RTN3: variants seen among roughly 807,000 people sequenced by gnomAD.
RTN3 encodes reticulon 3, also known as reticulon-3.
A neutral mutation model predicts 77.8 loss-of-function variants in RTN3; 49 were observed. The observed-to-expected ratio is 0.63, with a 90% CI of 0.50 to 0.80. The LOEUF is 0.80. Among genes scored for constraint, RTN3 ranks in the 30% least tolerant of loss-of-function variants. The pLI, the probability that RTN3 is intolerant of heterozygous loss-of-function variation, is 0.00. For missense variants in RTN3, 1,236 were observed against 1,211.9 expected, an observed-to-expected ratio of 1.02 and a Z score of -0.29; for synonymous variants, 464 against 446.9, an observed-to-expected ratio of 1.04 and a Z score of -0.48.
rs1590892069 is a variant in RTN3, at chr11:63,752,540, A to G, written c.2772A>G (p.Ser924=). The change falls in exon 5 of 9, where the codon TCA becomes TCG. Residue 924 remains serine (S), a synonymous_variant. Coordinates refer to ENST00000377819, the MANE Select transcript of RTN3 (RefSeq NM_001265589.2). The part of the protein sequence containing the change: ...AYLDVDITLS[S]EAFHNYMNAA... ...TGGACGTAGACATTACTCTGTCCTC[A>G]GAAGCTTTCCATAATTACATGAATG... The G allele has an allele frequency of 6.2e-7, 1 of 1,613,606 alleles. No homozygotes were observed. The highest frequency in any genetic ancestry group is 1.1e-5 in the South Asian group (1 of 91,072).
rs2014536378 is a variant in RTN3, at chr11:63,759,118, C to T, written c.*917C>T. On this transcript the variant is annotated 3_prime_UTR_variant, in exon 9 of 9. Transcript: ENST00000377819. Reference sequence around the variant, plus strand: ...GAAAAAAATAACCTGCATGTGGGCTCCTCAGTTATTGAGTTTTTGTGATCC... The same window carrying T: ...GAAAAAAATAACCTGCATGTGGGCTTCTCAGTTATTGAGTTTTTGTGATCC... 1 of 152,158 alleles carries T rather than the reference C, an allele frequency of 6.6e-6. No homozygotes were observed. Among genetic ancestry groups the T allele is most frequent in the African/African-American group, 2.4e-5 (1 of 41,434 alleles). 9.4% of individuals were successfully genotyped at this position (152,158 alleles called of 1,614,324 possible).
At position 63,720,246 on chromosome 11, in the gene RTN3, T is replaced by C. The variant is rs758561798; in HGVS notation, c.1744T>C (p.Cys582Arg). ...AAGGAGTCCAGCTAGTGAGGCAGCA[T>C]GTTCAAAAGTACCCGATACGAATGT... is the stretch of plus-strand genomic sequence containing the variant. The part of the protein sequence containing the change: ...LGRSPASEAA[C>R]SKVPDTNVSL... The change falls in exon 3 of 9, where the codon TGT becomes CGT. Residue 582 changes from cysteine to arginine, a missense_variant. Transcript: ENST00000377819. 2.5e-6 allele frequency: 4 copies of C among 1,614,006 alleles called. No homozygotes were observed. The South Asian group carries it at 4.4e-5, about 18-fold the overall frequency.
rs879915605 is a variant in RTN3 at position 63,694,179 on chromosome 11, G to GT, written c.143-10660dup. Among the ~76,000 whole-genome samples the GT allele has an allele frequency of 4.3e-3, 619 of 145,394 alleles. 2 individuals carry two copies. Among genetic ancestry groups the GT allele is most frequent in the African/African-American group, 8.2e-3 (330 of 40,196 alleles). On this transcript the variant is annotated intron_variant, in intron 1 of 8. Transcript: ENST00000377819. ...GTAACCAGTTTATTAATTAATTATG[G>GT]TTTTTTTTTTTTCTGAAATGGAATT...
At chr11:63,704,209 G>A (rs980042026) in intron 1 of RTN3, among the ~76,000 whole-genome samples, 15 of 151,698 alleles carry the variant, frequency 9.9e-5, no homozygotes, top group African/African-American at 3.6e-4. Context: ...CACCATGTTG[G>A]CCAGGCTGGT....
At chr11:63,757,175 T>TA (rs1465009382) in intron 8 of RTN3, among the ~76,000 whole-genome samples, 1 of 152,254 alleles carries the variant, frequency 6.6e-6, no homozygotes, top group African/African-American at 2.4e-5. Flanking sequence ...AAAGTTGTCT[T>TA]TTCTAAGATT....
At chr11:63,686,470 CAAAAAA>C (rs11364347) in intron 1 of RTN3, among the ~76,000 whole-genome samples, 20 of 92,552 alleles carry the variant, frequency 2.2e-4, no homozygotes, top group Non-Finnish European at 2.7e-4. Context: ...GACTCCGTCT[CAAAAAA>C]AAAAAAAAAA....
intron 2 of RTN3, among the ~76,000 whole-genome samples, chr11:63,710,141 A>G (rs997356522): frequency 1.3e-5 from 2 of 152,224 alleles, no homozygotes; most frequent in Admixed American, 6.5e-5. Context: ...CAGAATAAAC[A>G]GTATATGAAG....
At chr11:63,740,275 C>G (rs1240660737) in intron 3 of RTN3, among the ~76,000 whole-genome samples, 1 of 151,554 alleles carries the variant, frequency 6.6e-6, no homozygotes, top group Non-Finnish European at 1.5e-5. Flanking sequence ...TCTAACCTCC[C>G]CATCTTAGTT....
chr11:63,690,402 G>A (rs1941593275), intron 1 of RTN3, among the ~76,000 whole-genome samples: 1 of 152,128 alleles, frequency 6.6e-6, no homozygotes, highest in African/African-American at 2.4e-5. Context: ...AAGGCTCTTT[G>A]CCAGGTGCTG....
chr11:63,726,979 C>G (rs914467266), intron 3 of RTN3, among the ~76,000 whole-genome samples: 1 of 151,860 alleles, frequency 6.6e-6, no homozygotes, highest in Non-Finnish European at 1.5e-5. Context: ...CACTTGAGCC[C>G]AAGAGTTCAA....
At chr11:63,684,944 G>A (rs1045062867) in intron 1 of RTN3, among the ~76,000 whole-genome samples, 1 of 151,094 alleles carries the variant, frequency 6.6e-6, no homozygotes, top group Admixed American at 6.6e-5. Context: ...ACTTTTACTA[G>A]ATATGGGGTT....
chr11:63,724,484 CTT>C (rs34237318), intron 3 of RTN3, among the ~76,000 whole-genome samples: 23 of 81,792 alleles, frequency 2.8e-4, no homozygotes, highest in African/African-American at 3.2e-4. Flanking sequence ...GTGCCCGGCC[CTT>C]TTTTTTTTTT....
chr11:63,692,971 A>G (rs1941744249), intron 1 of RTN3, among the ~76,000 whole-genome samples: 1 of 152,174 alleles, frequency 6.6e-6, no homozygotes, highest in South Asian at 2.1e-4. Flanking sequence ...GGGTCTCACC[A>G]TATTGCCCAT....
At chr11:63,697,665 A>G (rs976308781) in intron 1 of RTN3, among the ~76,000 whole-genome samples, 3 of 151,724 alleles carry the variant, frequency 2.0e-5, no homozygotes, top group Non-Finnish European at 2.9e-5. Flanking sequence ...TAGTAGAGAC[A>G]GGGTTTCACT....
intron 3 of RTN3, among the ~76,000 whole-genome samples, chr11:63,734,411 C>T (rs896722730): frequency 1.3e-4 from 19 of 151,798 alleles, no homozygotes; most frequent in Admixed American, 5.9e-4. Context: ...CACACCACTG[C>T]ACTCCAGCAT....
intron 1 of RTN3, among the ~76,000 whole-genome samples, chr11:63,683,441 G>A (rs1241955025): frequency 6.6e-6 from 1 of 152,080 alleles, no homozygotes; most frequent in Non-Finnish European, 1.5e-5. Context: ...TAGAAATTTG[G>A]CTCTGTAAGC....
At chr11:63,717,977 T>C (rs1482440505) in intron 2 of RTN3, among the ~76,000 whole-genome samples, 2 of 148,126 alleles carry the variant, frequency 1.4e-5, no homozygotes, top group East Asian at 4.0e-4. Context: ...ATTGCGCCAT[T>C]GCACTTCAGC....
intron 1 of RTN3, among the ~76,000 whole-genome samples, chr11:63,689,107 A>C (rs1941523294): frequency 6.6e-6 from 1 of 152,166 alleles, no homozygotes; most frequent in Non-Finnish European, 1.5e-5. Context: ...TAGCCTCCTA[A>C]AGTATACAAA....
rs533506680 is a variant in RTN3, at chr11:63,693,937, C to T, written c.143-10914C>T. ...AGGAGTTTGAAACCAGCCTGCACAA[C>T]ATAATGAAACCCCATCTCTACAAAA... is the stretch of plus-strand genomic sequence containing the variant. On this transcript the variant is annotated intron_variant, in intron 1 of 8. Coordinates refer to ENST00000377819, the MANE Select transcript of RTN3 (RefSeq NM_001265589.2). Among the ~76,000 whole-genome samples the T allele has an allele frequency of 3.9e-5, 6 of 152,228 alleles. No homozygotes were observed. In the South Asian group the frequency reaches 8.3e-4, roughly 21 times the overall value.
Sources: allele counts gnomAD v4.1 joint callset (sites outside exome capture counted in the v4.1 genomes callset), GRCh38; gene constraint gnomAD v4.1.1; transcripts MANE v1.5; gene names NCBI Gene and HGNC (gene_info 2026-07-23, HGNC 2026-07-21).